Variants in SH3GLB1 observed in about 807,000 individuals in gnomAD.
The protein encoded by SH3GLB1 is endophilin-B1.
In SH3GLB1, 17 loss-of-function variants were observed where a neutral mutation model predicts 42.0. The ratio of observed to expected loss-of-function variants is 0.40; its 90% CI spans 0.28 to 0.61. The LOEUF (loss-of-function observed/expected upper bound fraction) is 0.61. Ranked by LOEUF, SH3GLB1 falls within the 20% of genes least tolerant of loss-of-function variation. The probability of loss-of-function intolerance (pLI) is 0.36; values close to 1 mark genes in which losing one functional copy is unlikely to be tolerated. For synonymous variants in SH3GLB1, 132 were observed against 146.6 expected (o/e 0.90, Z 0.72); for missense variants, 355 against 426.3 (o/e 0.83, Z 1.47).
At chr1:86,724,250 G>A (rs1307092817) in intron 4 of SH3GLB1, 63 bp from the exon 5 acceptor site, 3 of 1,137,904 alleles carry the variant, frequency 2.6e-6, no homozygotes, top group East Asian at 2.5e-5. Context: ...TACTTTAAAT[G>A]TGTATGCTCT....
At chr1:86,708,895 T>C (rs1570404192) in intron 1 of SH3GLB1, among the ~76,000 whole-genome samples, 2 of 152,238 alleles carry the variant, frequency 1.3e-5, no homozygotes, top group African/African-American at 4.8e-5. Flanking sequence ...TTTAGGCTTT[T>C]GTTCATATGG....
intron 1 of SH3GLB1, among the ~76,000 whole-genome samples, chr1:86,712,154 TA>T (rs1654252455): frequency 6.6e-6 from 1 of 152,180 alleles, no homozygotes; most frequent in African/African-American, 2.4e-5. Flanking sequence ...TAAAATATGA[TA>T]GCATTAGCAA....
intron 7 of SH3GLB1, among the ~76,000 whole-genome samples, chr1:86,737,502 G>A (rs1313146767): frequency 6.6e-6 from 1 of 152,134 alleles, no homozygotes; most frequent in Non-Finnish European, 1.5e-5. Context: ...CTGAAGAACC[G>A]AGTTCACTGA....
At position 86,719,503 on chromosome 1, in the gene SH3GLB1, C is replaced by G; in HGVS notation, c.215-4C>G. The G allele has an allele frequency of 6.3e-7, 1 of 1,596,696 alleles. No individual in the cohort carries two copies. Among genetic ancestry groups the G allele is most frequent in the Non-Finnish European group, 8.5e-7 (1 of 1,173,234 alleles). On this transcript the variant is annotated splice_region_variant and splice_polypyrimidine_tract_variant and intron_variant, in intron 2 of 8. Transcript: ENST00000370558. ...ATCATTGGTAATTTTAACCTTTCTC[C>G]TAGATGCCAGGATAGAAGAATTTGT...
rs568537654 is a variant in SH3GLB1, at chr1:86,719,623, G to C, written c.331G>C (p.Gly111Arg). ...MIDAGTEFGP[G>R]TAYGNALIKC... is the part of the protein sequence containing the mutation. ...TGATGCAGGGACTGAGTTTGGCCCA[G>C]GAACAGCTTATGGTAAGTGAAATGC... is the stretch of plus-strand genomic sequence containing the variant. The change falls in exon 3 of 9, where the codon GGA becomes CGA. Residue 111 changes from glycine to arginine, a missense_variant. Physicochemically the swap from Gly to Arg is moderately radical, Grantham distance 125. Transcript: ENST00000370558. 4.8e-5 allele frequency: 78 copies of C among 1,608,482 alleles called. No individual in the cohort carries two copies. Among genetic ancestry groups the C allele is most frequent in the Non-Finnish European group, 6.3e-5 (74 of 1,177,376 alleles).
intron 7 of SH3GLB1, among the ~76,000 whole-genome samples, chr1:86,737,019 C>A: frequency 6.6e-6 from 1 of 152,194 alleles, no homozygotes. Context: ...ACAGCCATCA[C>A]TTTGGTTGAG....
chr1:86,717,149 T>C (rs1249197726), intron 2 of SH3GLB1, among the ~76,000 whole-genome samples: 1 of 152,184 alleles, frequency 6.6e-6, no homozygotes, highest in Non-Finnish European at 1.5e-5. Context: ...AAATAAGCTT[T>C]TTGCACTTTG....
intron 7 of SH3GLB1, among the ~76,000 whole-genome samples, chr1:86,741,111 A>G (rs1244737075): frequency 6.6e-6 from 1 of 152,152 alleles, no homozygotes; most frequent in African/African-American, 2.4e-5. Context: ...GATGAAGAAC[A>G]TAAGACTCCT....
chr1:86,709,528 T>C (rs889253927), intron 1 of SH3GLB1, among the ~76,000 whole-genome samples: 1 of 152,204 alleles, frequency 6.6e-6, no homozygotes, highest in African/African-American at 2.4e-5. Flanking sequence ...ATAAATCTTA[T>C]TTGTACTAAA....
At chr1:86,739,334 T>G (rs1655943055) in intron 7 of SH3GLB1, among the ~76,000 whole-genome samples, 1 of 151,938 alleles carries the variant, frequency 6.6e-6, no homozygotes, top group African/African-American at 2.4e-5. Flanking sequence ...TGATAACGAG[T>G]GAGGCAGTGA....
At chr1:86,722,858 C>T (rs1654944949) in intron 4 of SH3GLB1, among the ~76,000 whole-genome samples, 185 bp downstream of exon 4, 1 of 152,140 alleles carries the variant, frequency 6.6e-6, no homozygotes, top group African/African-American at 2.4e-5. Flanking sequence ...ACATTTACTC[C>T]ATTTGTGTGT....
At chr1:86,731,400 G>A (rs1655501586) in intron 5 of SH3GLB1, among the ~76,000 whole-genome samples, 1 of 152,128 alleles carries the variant, frequency 6.6e-6, no homozygotes, top group Non-Finnish European at 1.5e-5. Context: ...TGTTGATTCT[G>A]TGACTTGGAT....
chr1:86,724,963 A>ATGTG (rs1412360992), intron 5 of SH3GLB1, among the ~76,000 whole-genome samples: 7 of 144,600 alleles, frequency 4.8e-5, no homozygotes, highest in African/African-American at 1.8e-4. Flanking sequence ...TATAATACAT[A>ATGTG]TGTGTATATA....
intron 5 of SH3GLB1, among the ~76,000 whole-genome samples, chr1:86,727,284 G>A (rs1425758498): frequency 6.6e-6 from 1 of 151,796 alleles, no homozygotes; most frequent in Non-Finnish European, 1.5e-5. Context: ...AACATCAAAG[G>A]CATTTCTCAA....
chr1:86,734,841 G>GT, intron 6 of SH3GLB1, 150 bp downstream of exon 6: 1 of 651,886 alleles, frequency 1.5e-6, no homozygotes, highest in South Asian at 2.0e-5. Context: ...ATTTTAAATT[G>GT]TTGTTTACAT....
rs2101999693 is a variant in SH3GLB1 at position 86,746,094 on chromosome 1, ACT to A, written c.*2862_*2863del. The A allele has an allele frequency of 6.6e-6, 1 of 152,624 alleles. No homozygotes were observed. Among genetic ancestry groups the A allele is most frequent in the Admixed American group, 6.5e-5 (1 of 15,278 alleles). 9.5% of individuals were successfully genotyped at this position (152,624 alleles called of 1,614,324 possible). ...CTCAAAAATGGGAATGTGCCTCCTC[ACT>A]CTGCGTCACATGGGAAATAAATCCT... On this transcript the variant is annotated 3_prime_UTR_variant, in exon 9 of 9. Coordinates refer to ENST00000370558, the MANE Select transcript of SH3GLB1 (RefSeq NM_016009.5).
chr1:86,722,319 T>C (rs557402060), intron 3 of SH3GLB1, among the ~76,000 whole-genome samples: 1 of 152,314 alleles, frequency 6.6e-6, no homozygotes, highest in East Asian at 1.9e-4. Context: ...TTATCTATGC[T>C]ACAATAGGAA....
intron 1 of SH3GLB1, among the ~76,000 whole-genome samples, chr1:86,707,559 T>C (rs1653940858): frequency 1.3e-5 from 2 of 152,196 alleles, no homozygotes; most frequent in Admixed American, 1.3e-4. Flanking sequence ...CAGACTTCTT[T>C]AATGTGTCTG....
At chr1:86,708,179 A>G (rs1558288917) in intron 1 of SH3GLB1, among the ~76,000 whole-genome samples, 1 of 152,246 alleles carries the variant, frequency 6.6e-6, no homozygotes, top group Non-Finnish European at 1.5e-5. Flanking sequence ...GGTAGTTTTC[A>G]ACAAAACACT....
Sources: allele counts gnomAD v4.1 joint callset (sites outside exome capture counted in the v4.1 genomes callset), GRCh38; gene constraint gnomAD v4.1.1; transcripts MANE v1.5; gene names NCBI Gene and HGNC (gene_info 2026-07-23, HGNC 2026-07-21).